CCDC66: variants seen among roughly 807,000 people sequenced by gnomAD.
The protein encoded by CCDC66 is coiled-coil domain containing 66.
Under a neutral mutation model 128.3 loss-of-function variants are expected in CCDC66, and 133 were observed. The observed-to-expected ratio is 1.04, with a 90% CI of 0.90 to 1.20. The LOEUF is 1.20. Among genes scored for constraint, CCDC66 ranks in the 50% most tolerant of loss-of-function variants. The pLI, the probability that CCDC66 is intolerant of heterozygous loss-of-function variation, is 0.00. For synonymous variants in CCDC66, 387 were observed against 357.0 expected, an observed-to-expected ratio of 1.08 and a Z score of -0.95; for missense variants, 1,126 against 1,075.5, an observed-to-expected ratio of 1.05 and a Z score of -0.66.
chr3:56,581,281 ACT>A (rs1246032438), intron 7 of CCDC66, among the ~76,000 whole-genome samples: 2 of 151,524 alleles, frequency 1.3e-5, no homozygotes, highest in Non-Finnish European at 2.9e-5. Context: ...ACTTCTCTAC[ACT>A]GTTTATTCTA....
chr3:56,583,064 A>G (rs550640453), intron 7 of CCDC66, among the ~76,000 whole-genome samples: 25 of 151,244 alleles, frequency 1.7e-4, no homozygotes, highest in Non-Finnish European at 3.1e-4. Context: ...TTCTGTAGAG[A>G]CAGGGTTGCT....
At chr3:56,563,030 C>CTGATATTA (rs968242562) in intron 3 of CCDC66, among the ~76,000 whole-genome samples, 56 of 152,132 alleles carry the variant, frequency 3.7e-4, no homozygotes, top group African/African-American at 1.3e-3. Context: ...GTGAAGTGAG[C>CTGATATTA]TGATATTAAA....
chr3:56,576,142 T>G (rs2067330509), intron 7 of CCDC66, among the ~76,000 whole-genome samples: 1 of 151,776 alleles, frequency 6.6e-6, no homozygotes, highest in African/African-American at 2.4e-5. Context: ...CTCAATAATA[T>G]TAAGTCTTCC....
rs1559612750 is a variant in CCDC66 at position 56,566,760 on chromosome 3, G to GT, written c.710+2dup. The GT allele has an allele frequency of 6.2e-7, 1 of 1,608,936 alleles. No individual in the cohort carries two copies. On this transcript the variant is annotated splice_donor_variant, in intron 5 of 17. Transcript: ENST00000394672. LOFTEE classifies it high-confidence loss of function. ...AACAGTGTGAGCAAAAAATTGCCATGTATGTAACTCCTATCTGTTGTTATT... is the reference window on the plus strand; with the variant it reads ...AACAGTGTGAGCAAAAAATTGCCATGTTATGTAACTCCTATCTGTTGTTATT...
At chr3:56,613,565 A>T in intron 10 of CCDC66, 24 bp from the exon 11 acceptor site, 1 of 1,602,858 alleles carries the variant, frequency 6.2e-7, no homozygotes, top group Non-Finnish European at 8.5e-7. Flanking sequence ...TTTGACAATG[A>T]TTTACGTGAT....
At chr3:56,584,876 G>C (rs1371589565) in intron 7 of CCDC66, among the ~76,000 whole-genome samples, 3 of 151,974 alleles carry the variant, frequency 2.0e-5, no homozygotes, top group African/African-American at 7.2e-5. Context: ...GATCACTCAC[G>C]GTTAGGAGCT....
intron 7 of CCDC66, 78 bp downstream of exon 7, chr3:56,571,380 A>AG: frequency 8.9e-7 from 1 of 1,127,022 alleles, no homozygotes; most frequent in South Asian, 1.5e-5. Flanking sequence ...GCTTATTAAA[A>AG]AAAAAAAGTT....
chr3:56,616,380 T>C, intron 13 of CCDC66: 1 of 266,308 alleles, frequency 3.8e-6, no homozygotes, highest in Non-Finnish European at 7.1e-6. Flanking sequence ...TCTCTGAATA[T>C]TTTTGCCTGT....
chr3:56,615,478 A>C, intron 12 of CCDC66: 1 of 489,828 alleles, frequency 2.0e-6, no homozygotes, highest in African/African-American at 2.0e-5. Flanking sequence ...CCTTCAGATG[A>C]CTCTCCCACC....
At chr3:56,618,237 G>A (rs368525732) in intron 15 of CCDC66, 25 bp downstream of exon 15, 25 of 1,600,928 alleles carry the variant, frequency 1.6e-5, no homozygotes, top group African/African-American at 6.7e-5. Flanking sequence ...GATTAATTCC[G>A]CAGCTACTTA....
chr3:56,570,963 A>T (rs758398387), intron 6 of CCDC66, among the ~76,000 whole-genome samples: 68 of 152,242 alleles, frequency 4.5e-4, no homozygotes, highest in Non-Finnish European at 8.4e-4. Context: ...GGTAATTGTG[A>T]TAATAAAATT....
chr3:56,558,888 C>G lies in CCDC66; in HGVS notation c.54C>G (p.Thr18=). The G allele has an allele frequency of 1.9e-6, 3 of 1,548,540 alleles. No individual in the cohort carries two copies. The highest frequency in any genetic ancestry group is 2.6e-6 in the Non-Finnish European group (3 of 1,144,866). The change falls in exon 2 of 18, where the codon ACC becomes ACG. Residue 18 remains threonine, a synonymous_variant. Transcript: ENST00000394672. ...AAACTGAATTACTGGATGGAAAAAC[C>G]AAGCTAATATTGTCTCCATATGGTA... ...KLETELLDGK[T]KLILSPYEHK...
chr3:56,567,923 C>A (rs544930349), intron 6 of CCDC66, among the ~76,000 whole-genome samples: 9 of 152,170 alleles, frequency 5.9e-5, no homozygotes, highest in African/African-American at 2.2e-4. Flanking sequence ...ATCTCCTGAC[C>A]TCATGATCCA....
chr3:56,576,288 T>G (rs1032958702), intron 7 of CCDC66, among the ~76,000 whole-genome samples: 4 of 151,232 alleles, frequency 2.6e-5, no homozygotes, highest in African/African-American at 7.2e-5. Flanking sequence ...ATTTTTTTTG[T>G]TTTTTTATAT....
At chr3:56,594,137 T>G in intron 10 of CCDC66, 109 bp downstream of exon 10, 1 of 962,526 alleles carries the variant, frequency 1.0e-6, no homozygotes, top group Non-Finnish European at 1.6e-6. Context: ...ACAGCATAGG[T>G]CCTGTCCAGT....
chr3:56,591,873 C>T (rs561620285), intron 7 of CCDC66, among the ~76,000 whole-genome samples: 97 of 152,250 alleles, frequency 6.4e-4, no homozygotes, highest in African/African-American at 2.2e-3. Flanking sequence ...TGAGGTATAT[C>T]GTCATTGTAG....
chr3:56,559,560 C>A lies in CCDC66; in HGVS notation c.77-9C>A. On this transcript the variant is annotated splice_polypyrimidine_tract_variant and intron_variant, in intron 2 of 17. Coordinates refer to ENST00000394672, the MANE Select transcript of CCDC66 (RefSeq NM_001141947.3). ...TGGATAGTTTAGTAATTTCTTTTTT[C>A]TTTTGTAGAACATAAATCAAAAATT... 1 of 1,521,352 alleles carries A rather than the reference C, an allele frequency of 6.6e-7. No individual in the cohort carries two copies. The highest frequency in any genetic ancestry group is 8.9e-7 in the Non-Finnish European group (1 of 1,129,324). The allele number at this position is 1,521,352 out of a possible 1,614,324, so 94.2% of individuals were successfully genotyped here. A position where few individuals can be genotyped will look rare whatever the true frequency, so the allele number is the denominator to read the frequency against.
intron 10 of CCDC66, among the ~76,000 whole-genome samples, chr3:56,611,223 C>A (rs952970912): frequency 6.6e-6 from 1 of 152,036 alleles, no homozygotes; most frequent in Non-Finnish European, 1.5e-5. Context: ...AGGTCAGGCT[C>A]TCCTTGGGTG....
intron 3 of CCDC66, among the ~76,000 whole-genome samples, chr3:56,560,457 A>T (rs982006966): frequency 2.0e-5 from 3 of 152,192 alleles, no homozygotes; most frequent in African/African-American, 7.2e-5. Context: ...GAGGTTGGGC[A>T]TGGTGGCTCA....
Sources: allele counts gnomAD v4.1 joint callset (sites outside exome capture counted in the v4.1 genomes callset), GRCh38; gene constraint gnomAD v4.1.1; transcripts MANE v1.5; gene names NCBI Gene and HGNC (gene_info 2026-07-23, HGNC 2026-07-21).